Variants in BNC2 observed in about 807,000 individuals in gnomAD.
BNC2 encodes the protein zinc finger protein basonuclin-2.
A neutral mutation model predicts 76.3 loss-of-function variants in BNC2; 20 were observed. That is an observed-to-expected ratio of 0.26 (90% CI 0.18 to 0.38). The LOEUF is 0.38. Among genes scored for constraint, BNC2 ranks in the 10% least tolerant of loss-of-function variants. BNC2 has a pLI of 1.00. For synonymous variants in BNC2, 582 were observed against 514.8 expected, an observed-to-expected ratio of 1.13 and a Z score of -1.77; for missense variants, 1,382 against 1,399.8, an observed-to-expected ratio of 0.99 and a Z score of 0.20.
chr9:16,803,899 T>A (rs1012705008), intron 1 of BNC2, among the ~76,000 whole-genome samples: 10 of 152,192 alleles, frequency 6.6e-5, no homozygotes, highest in Non-Finnish European at 1.2e-4. Context: ...TGCAAATCTC[T>A]CAATCGTCAA....
intron 3 of BNC2, among the ~76,000 whole-genome samples, chr9:16,654,678 T>C (rs1349146917): frequency 6.6e-6 from 1 of 152,190 alleles, no homozygotes; most frequent in Non-Finnish European, 1.5e-5. Context: ...AACAATTTTA[T>C]ACTAGATCTG....
Position 16,603,850 on chromosome 9 carries a change from AC to A in BNC2, c.331-20766del, listed in dbSNP as rs200787401. ...TTTTTCTGTTTAGGTATATTTTCAA[AC>A]CTCTCTCAAATATTCTCTTAAAAAT... On this transcript the variant is annotated intron_variant, in intron 3 of 6. Coordinates refer to ENST00000380672, the MANE Select transcript of BNC2 (RefSeq NM_017637.6). Among the ~76,000 whole-genome samples the A allele has an allele frequency of 5.9e-3, 887 of 149,992 alleles. 10 individuals carry two copies. The highest frequency in any genetic ancestry group is 0.021 in the African/African-American group (844 of 41,128).
chr9:16,779,683 G>A (rs188345902), intron 1 of BNC2, among the ~76,000 whole-genome samples: 93 of 152,162 alleles, frequency 6.1e-4, no homozygotes, highest in African/African-American at 2.1e-3. Flanking sequence ...TTGATATATG[G>A]CACAACATGG....
At chr9:16,452,652 C>T (rs935598056) in intron 5 of BNC2, among the ~76,000 whole-genome samples, 3 of 152,104 alleles carry the variant, frequency 2.0e-5, no homozygotes, top group African/African-American at 7.2e-5. Context: ...TCAGGTGATC[C>T]ACCCGCCTCG....
At chr9:16,680,215 TTTG>T (rs142459192) in intron 3 of BNC2, among the ~76,000 whole-genome samples, 2,029 of 152,006 alleles carry the variant, frequency 0.013, 32 homozygotes, top group African/African-American at 0.035. Context: ...TTCAGGGGCT[TTTG>T]TTGTTGTTGT....
At chr9:16,514,751 A>T (rs934711686) in intron 5 of BNC2, among the ~76,000 whole-genome samples, 3 of 152,186 alleles carry the variant, frequency 2.0e-5, no homozygotes, top group African/African-American at 7.2e-5. Flanking sequence ...TGTTGTTAGC[A>T]AGGGATCCAC....
chr9:16,732,987 T>C (rs759918283), intron 2 of BNC2, among the ~76,000 whole-genome samples: 18 of 152,232 alleles, frequency 1.2e-4, no homozygotes, highest in East Asian at 1.9e-4. Flanking sequence ...TACAGCAACA[T>C]GTAAACTAGT....
chr9:16,588,409 A>G (rs1175180425), intron 3 of BNC2, among the ~76,000 whole-genome samples: 4 of 152,158 alleles, frequency 2.6e-5, no homozygotes, highest in Admixed American at 2.6e-4. Flanking sequence ...ATAGTCCTCT[A>G]AGGTAGGCAC....
chr9:16,508,282 G>A (rs1016906399), intron 5 of BNC2, among the ~76,000 whole-genome samples: 2 of 152,240 alleles, frequency 1.3e-5, no homozygotes, highest in Non-Finnish European at 1.5e-5. Flanking sequence ...CTTGATCATC[G>A]CGGACATTTC....
chr9:16,802,188 C>A (rs549575791), intron 1 of BNC2, among the ~76,000 whole-genome samples: 19 of 152,282 alleles, frequency 1.2e-4, no homozygotes, highest in African/African-American at 4.3e-4. Flanking sequence ...ATATTAGCTG[C>A]GACTTCAGCA....
intron 5 of BNC2, among the ~76,000 whole-genome samples, chr9:16,512,488 A>ACACACG (rs1822780655): frequency 6.6e-6 from 1 of 151,786 alleles, no homozygotes; most frequent in Admixed American, 6.6e-5. Flanking sequence ...ACACGCGCAC[A>ACACACG]CACACACACA....
intron 3 of BNC2, among the ~76,000 whole-genome samples, chr9:16,725,389 GA>G (rs919241535): frequency 3.3e-5 from 5 of 151,478 alleles, no homozygotes; most frequent in East Asian, 1.9e-4. Context: ...ATCTTGAAGA[GA>G]AAAAAAATGC....
intron 5 of BNC2, among the ~76,000 whole-genome samples, chr9:16,521,529 G>A (rs1817619463): frequency 1.3e-5 from 2 of 152,130 alleles, no homozygotes; most frequent in South Asian, 4.1e-4. Context: ...TATAATTTGC[G>A]CACATATACC....
At chr9:16,763,805 A>G (rs1825618272) in intron 1 of BNC2, among the ~76,000 whole-genome samples, 1 of 152,128 alleles carries the variant, frequency 6.6e-6, no homozygotes, top group Non-Finnish European at 1.5e-5. Flanking sequence ...CACCCCGCAA[A>G]AGAATGCTCA....
At chr9:16,495,619 G>A (rs921544681) in intron 5 of BNC2, among the ~76,000 whole-genome samples, 1 of 152,194 alleles carries the variant, frequency 6.6e-6, no homozygotes, top group African/African-American at 2.4e-5. Context: ...GGCTCACCAC[G>A]GCCAAGCCAT....
At chr9:16,483,817 C>A (rs1822107822) in intron 5 of BNC2, among the ~76,000 whole-genome samples, 1 of 152,140 alleles carries the variant, frequency 6.6e-6, no homozygotes, top group African/African-American at 2.4e-5. Flanking sequence ...GACTTGAGAG[C>A]CACCCATGGA....
intron 1 of BNC2, among the ~76,000 whole-genome samples, chr9:16,806,667 A>G (rs1817921817): frequency 6.6e-6 from 1 of 152,212 alleles, no homozygotes; most frequent in African/African-American, 2.4e-5. Flanking sequence ...CTGCTTAAGT[A>G]ACAGCCTTAA....
intron 1 of BNC2, among the ~76,000 whole-genome samples, chr9:16,862,485 G>A (rs1008391421): frequency 6.6e-6 from 1 of 152,140 alleles, no homozygotes; most frequent in Non-Finnish European, 1.5e-5. Context: ...AAAAGTAGGT[G>A]GAATAGAACA....
chr9:16,533,870 G>C (rs553664765), intron 5 of BNC2, among the ~76,000 whole-genome samples: 2 of 152,184 alleles, frequency 1.3e-5, no homozygotes, highest in South Asian at 4.1e-4. Flanking sequence ...TTTTATAGAA[G>C]TGAATTTTAT....
Sources: allele counts gnomAD v4.1 joint callset (sites outside exome capture counted in the v4.1 genomes callset), GRCh38; gene constraint gnomAD v4.1.1; transcripts MANE v1.5; gene names NCBI Gene and HGNC (gene_info 2026-07-23, HGNC 2026-07-21).